KCND2: variants seen among roughly 807,000 people sequenced by gnomAD.
The protein encoded by KCND2 is potassium voltage-gated channel subfamily D member 2, also known as A-type voltage-gated potassium channel KCND2.
Under a neutral mutation model 54.4 loss-of-function variants are expected in KCND2, and 16 were observed. That is an observed-to-expected ratio of 0.29 (90% CI 0.20 to 0.45). The LOEUF (loss-of-function observed/expected upper bound fraction) is 0.45, where lower values mean the gene tolerates loss of function less well. KCND2 is among the 20% of genes least tolerant of loss of function. The pLI, the probability that KCND2 is intolerant of heterozygous loss-of-function variation, is 1.00. For missense variants in KCND2, 486 were observed against 824.2 expected, an observed-to-expected ratio of 0.59 and a Z score of 5.02; for synonymous variants, 317 against 310.7, an observed-to-expected ratio of 1.02 and a Z score of -0.21.
At chr7:120,550,335 A>T (rs1434316674) in intron 1 of KCND2, among the ~76,000 whole-genome samples, 1 of 152,102 alleles carries the variant, frequency 6.6e-6, no homozygotes, top group East Asian at 1.9e-4. Context: ...AGGTAGCACA[A>T]CATTCAGCGG....
intron 1 of KCND2, among the ~76,000 whole-genome samples, chr7:120,505,891 T>A (rs1346515618): frequency 1.3e-5 from 2 of 151,884 alleles, no homozygotes; most frequent in East Asian, 3.9e-4. Context: ...TGTCTAACCT[T>A]TTTGAAAACA....
At chr7:120,309,452 C>CATATATATATATATATAT (rs61690032) in intron 1 of KCND2, among the ~76,000 whole-genome samples, 862 of 67,782 alleles carry the variant, frequency 0.013, no homozygotes, top group East Asian at 0.039. Flanking sequence ...TAATAGAAAA[C>CATATATATATATATATAT]ATATATATAT....
intron 1 of KCND2, among the ~76,000 whole-genome samples, chr7:120,529,643 A>T (rs75142726): frequency 7.9e-5 from 12 of 152,144 alleles, no homozygotes; most frequent in African/African-American, 2.7e-4. Flanking sequence ...GTTGAAAGTC[A>T]CTTTAAACAC....
intron 1 of KCND2, among the ~76,000 whole-genome samples, chr7:120,412,618 C>T (rs899750671): frequency 6.6e-5 from 10 of 151,860 alleles, no homozygotes; most frequent in African/African-American, 2.4e-4. Context: ...GCTGACTTTC[C>T]TCTCACCCTG....
chr7:120,669,443 G>T (rs1791965055), intron 1 of KCND2, among the ~76,000 whole-genome samples: 1 of 151,836 alleles, frequency 6.6e-6, no homozygotes, highest in African/African-American at 2.4e-5. Flanking sequence ...ATAATGAATG[G>T]TGAAATATTA....
At position 120,509,896 on chromosome 7, in the gene KCND2, A is replaced by G. The variant is rs549126756; in HGVS notation, c.1116-223007A>G. Among the ~76,000 whole-genome samples the G allele has an allele frequency of 3.3e-5, 5 of 152,210 alleles. No individual in the cohort carries two copies. The South Asian group carries it at 8.3e-4, about 25-fold the overall frequency. Reference sequence around the variant, plus strand: ...TCTATTATAGGATAAGCTTTGGTTCATTCTTCTAGCCAAACACTTGCCAAA... The same window carrying G: ...TCTATTATAGGATAAGCTTTGGTTCGTTCTTCTAGCCAAACACTTGCCAAA... On this transcript the variant is annotated intron_variant, in intron 1 of 5. Transcript: ENST00000331113.
In KCND2 at chr7:120,456,428, A is replaced by G. The variant is rs115947074; in HGVS notation, c.1115+180681A>G. Among the ~76,000 whole-genome samples, 1,446 of 152,268 alleles carry G rather than the reference A, an allele frequency of 9.5e-3. 23 individuals are homozygous for G. The highest frequency in any genetic ancestry group is 0.032 in the African/African-American group (1,350 of 41,550). On this transcript the variant is annotated intron_variant, in intron 1 of 5. Coordinates refer to ENST00000331113, the MANE Select transcript of KCND2 (RefSeq NM_012281.3). ...CATTGATTTGGCACTTTAAACTTCA[A>G]TTCATTTGTACTTATCTTTGAGTTT...
chr7:120,457,492 C>G (rs1802217375), intron 1 of KCND2, among the ~76,000 whole-genome samples: 2 of 152,188 alleles, frequency 1.3e-5, no homozygotes, highest in African/African-American at 4.8e-5. Context: ...AAAATGCTGT[C>G]AGTCTCTTTG....
chr7:120,706,163 A>T (rs1287920028), intron 1 of KCND2, among the ~76,000 whole-genome samples: 1 of 152,100 alleles, frequency 6.6e-6, no homozygotes, highest in Non-Finnish European at 1.5e-5. Flanking sequence ...TACCCCCATA[A>T]TACTAATTTT....
intron 5 of KCND2, 55 bp downstream of exon 5, chr7:120,746,082 T>C (rs1344570279): frequency 1.3e-5 from 20 of 1,588,652 alleles, no homozygotes; most frequent in Non-Finnish European, 1.6e-5. Flanking sequence ...CCAGGGTGTG[T>C]CTTCTGCACT....
chr7:120,572,207 C>T (rs1792374774), intron 1 of KCND2, among the ~76,000 whole-genome samples: 1 of 150,614 alleles, frequency 6.6e-6, no homozygotes. Context: ...AATTAAAATA[C>T]AGCCCATTGA....
intron 1 of KCND2, among the ~76,000 whole-genome samples, chr7:120,475,383 T>A (rs886642975): frequency 1.3e-5 from 2 of 152,230 alleles, no homozygotes; most frequent in African/African-American, 4.8e-5. Flanking sequence ...TAAGTAAGGA[T>A]CTATATAGCA....
intron 1 of KCND2, among the ~76,000 whole-genome samples, chr7:120,527,585 T>G (rs1791791712): frequency 6.6e-6 from 1 of 152,162 alleles, no homozygotes; most frequent in Non-Finnish European, 1.5e-5. Context: ...GGTCAGATCC[T>G]GCTGCTCGTT....
chr7:120,715,950 C>G (rs1792597123), intron 1 of KCND2, among the ~76,000 whole-genome samples: 1 of 151,982 alleles, frequency 6.6e-6, no homozygotes, highest in South Asian at 2.1e-4. Context: ...GTTAAAATGA[C>G]AATTACTTCT....
rs773251474 is a variant in KCND2 at position 120,741,518 on chromosome 7, A to G, written c.1279-16A>G. 6.3e-7 allele frequency: 1 copy of G among 1,580,184 alleles called. No individual in the cohort carries two copies. Among genetic ancestry groups the G allele is most frequent in the South Asian group, 1.1e-5 (1 of 90,396 alleles). Reference sequence around the variant, plus strand: ...ATTTATAAATGTTAATGGGATGTTTATTTTTTCTCCTATAGAAAGCTAGAC... The same window carrying G: ...ATTTATAAATGTTAATGGGATGTTTGTTTTTTCTCCTATAGAAAGCTAGAC... On this transcript the variant is annotated splice_polypyrimidine_tract_variant and intron_variant, in intron 2 of 5. Transcript: ENST00000331113.
intron 1 of KCND2, among the ~76,000 whole-genome samples, chr7:120,308,952 C>T (rs1799687983): frequency 6.6e-6 from 1 of 152,048 alleles, no homozygotes; most frequent in South Asian, 2.1e-4. Context: ...GAAAAAGAGA[C>T]TTAGGGACAG....
chr7:120,570,322 C>G (rs564703677), intron 1 of KCND2, among the ~76,000 whole-genome samples: 6 of 151,716 alleles, frequency 4.0e-5, no homozygotes, highest in African/African-American at 7.3e-5. Context: ...GTTCACTGTT[C>G]AGGCGACTGG....
intron 1 of KCND2, among the ~76,000 whole-genome samples, chr7:120,416,224 C>T (rs549905561): frequency 6.6e-6 from 1 of 152,200 alleles, no homozygotes; most frequent in South Asian, 2.1e-4. Flanking sequence ...TTTCTTAAAA[C>T]CATTCTGCCC....
chr7:120,590,678 T>A (rs964848417), intron 1 of KCND2, among the ~76,000 whole-genome samples: 2 of 152,204 alleles, frequency 1.3e-5, no homozygotes, highest in Admixed American at 6.5e-5. Context: ...AGCCACATCT[T>A]TTGTGAGGCA....
Sources: allele counts gnomAD v4.1 joint callset (sites outside exome capture counted in the v4.1 genomes callset), GRCh38; gene constraint gnomAD v4.1.1; transcripts MANE v1.5; gene names NCBI Gene and HGNC (gene_info 2026-07-23, HGNC 2026-07-21).